The following BAHCC1 variants were observed in gnomAD, a reference collection of about 807,000 sequenced individuals.
The protein encoded by BAHCC1 is BAH domain and coiled-coil containing 1, also known as BAH and coiled-coil domain-containing protein 1.
Under a neutral mutation model 88.2 loss-of-function variants are expected in BAHCC1, and 43 were observed. The observed-to-expected ratio is 0.49, with a 90% CI of 0.38 to 0.63. The LOEUF is 0.63. Among genes scored for constraint, BAHCC1 ranks in the 20% least tolerant of loss-of-function variants. BAHCC1 has a pLI of 0.00. For missense variants in BAHCC1, 3,023 were observed against 1,654.8 expected, an observed-to-expected ratio of 1.83 and a Z score of -14.34; for synonymous variants, 1,510 against 745.5, an observed-to-expected ratio of 2.03 and a Z score of -16.71.
chr17:81,451,964 C>T lies in BAHCC1; in HGVS notation c.4180-7C>T, dbSNP rs1555655927. ...CGGCTCACAGGCCCCTGTGCCCCCCCCACCAGGTGTGCCCCCTGAAGGCCG... is the reference window on the plus strand; with the variant it reads ...CGGCTCACAGGCCCCTGTGCCCCCCTCACCAGGTGTGCCCCCTGAAGGCCG... On this transcript the variant is annotated splice_region_variant and splice_polypyrimidine_tract_variant and intron_variant, in intron 12 of 27. Coordinates refer to ENST00000675386, the MANE Select transcript of BAHCC1 (RefSeq NM_001377448.1). The T allele has an allele frequency of 1.3e-5, 8 of 622,590 alleles. No homozygotes were observed. The highest frequency in any genetic ancestry group is 2.3e-5 in the Non-Finnish European group (8 of 347,132). 38.6% of individuals were successfully genotyped at this position (622,590 alleles called of 1,614,324 possible).
At chr17:81,422,025 T>TG in intron 2 of BAHCC1, 1 of 328,310 alleles carries the variant, frequency 3.0e-6, no homozygotes, top group Non-Finnish European at 6.2e-6. Flanking sequence ...TTTTTTTTTT[T>TG]CTTGGAGGCG....
chr17:81,452,578 G>A (rs986337168), intron 13 of BAHCC1, 145 bp from the exon 14 acceptor site: 24 of 541,820 alleles, frequency 4.4e-5, no homozygotes, highest in Non-Finnish European at 5.5e-5. Flanking sequence ...TGCCCTCTGC[G>A]TGAGGGGTCA....
At position 81,442,783 on chromosome 17, in the gene BAHCC1, C is replaced by G; in HGVS notation, c.1434C>G (p.Ala478=). ...ATCTCAGCAGCGCAGGCCCCGAGGC[C>G]TCCTTCCCCGGACTCCCTAAAAGCG... ...LDYLSSAGPE[A]SFPGLPKSGL... The change falls in exon 5 of 28, where the codon GCC becomes GCG. Residue 478 remains alanine (A), a synonymous_variant. Coordinates refer to ENST00000675386, the MANE Select transcript of BAHCC1 (RefSeq NM_001377448.1). 1.3e-6 allele frequency: 1 copy of G among 779,542 alleles called. No homozygotes were observed. The highest frequency in any genetic ancestry group is 2.3e-4 in the Middle Eastern group (1 of 4,442). The allele number at this position is 779,542 out of a possible 1,614,324, so 48.3% of individuals were successfully genotyped here.
intron 2 of BAHCC1, among the ~76,000 whole-genome samples, chr17:81,417,315 G>A (rs980335984): frequency 1.3e-5 from 2 of 152,142 alleles, no homozygotes; most frequent in Admixed American, 6.5e-5. Flanking sequence ...GCATTCCCAC[G>A]CCCCTGGCCG....
Position 81,461,348 on chromosome 17 carries a change from G to A in BAHCC1, c.6685G>A (p.Gly2229Arg), listed in dbSNP as rs782811291. Residue 2229 changes from glycine to arginine, a missense_variant, in exon 26 of 28, where the codon GGG becomes AGG. Gly to Arg is a moderately radical substitution (Grantham distance 125). Transcript: ENST00000675386. ...KNKTCKALLM[G>R]DKDFSPKLGR... ...CAAGACCTGCAAGGCGTTGCTCATGGGGGACAAGGACTTCAGCCCCAAGCT... is the reference window on the plus strand; with the variant it reads ...CAAGACCTGCAAGGCGTTGCTCATGAGGGACAAGGACTTCAGCCCCAAGCT... 1.4e-5 allele frequency: 10 copies of A among 732,106 alleles called. No individual in the cohort carries two copies. Among genetic ancestry groups the A allele is most frequent in the African/African-American group, 3.4e-5 (2 of 58,338 alleles). The allele number at this position is 732,106 out of a possible 1,614,324, so 45.4% of individuals were successfully genotyped here.
Position 81,399,289 on chromosome 17 carries a change from C to T in BAHCC1, c.-206-245C>T, listed in dbSNP as rs369206598. On this transcript the variant is annotated intron_variant, in intron 1 of 27. Transcript: ENST00000675386. This position sits in a 1 kb window ranked among gnomAD's most constrained non-coding sequence, Gnocchi z 4.5. ...GCGGCGAGCAGTGCGGCTGGGTTCC[C>T]CCGGCTGCCCCGGGCCAAGCGTGGC... The T allele has an allele frequency of 9.0e-4, 292 of 325,596 alleles. 1 individual carries two copies. Among genetic ancestry groups the T allele is most frequent in the African/African-American group, 6.4e-3 (279 of 43,934 alleles). 20.2% of individuals were successfully genotyped at this position (325,596 alleles called of 1,614,324 possible).
intron 2 of BAHCC1, chr17:81,413,102 G>T (rs1555648078): frequency 4.5e-6 from 2 of 445,554 alleles, no homozygotes; most frequent in Admixed American, 4.8e-5. Context: ...CAGGGTCCAG[G>T]GTTATCAGGG....
At chr17:81,431,358 C>T (rs954036502) in intron 3 of BAHCC1, among the ~76,000 whole-genome samples, 11 of 152,104 alleles carry the variant, frequency 7.2e-5, no homozygotes, top group African/African-American at 2.2e-4. Context: ...TGCATAGCCT[C>T]ATGTTCACGG....
chr17:81,459,685 C>T, intron 23 of BAHCC1, 81 bp downstream of exon 23: 3 of 752,342 alleles, frequency 4.0e-6, no homozygotes, highest in Middle Eastern at 4.6e-4. Flanking sequence ...AGCCTGGCTT[C>T]CGAGGCTGGC....
chr17:81,410,619 C>G (rs1482577576), intron 2 of BAHCC1, among the ~76,000 whole-genome samples: 1 of 151,756 alleles, frequency 6.6e-6, no homozygotes, highest in Non-Finnish European at 1.5e-5. Context: ...CACCACGGGT[C>G]CTGGCACCAC....
chr17:81,430,085 G>A (rs1289732806), intron 3 of BAHCC1, among the ~76,000 whole-genome samples: 1 of 152,172 alleles, frequency 6.6e-6, no homozygotes, highest in African/African-American at 2.4e-5. Flanking sequence ...GGTGGGGGCG[G>A]GAGGCGGAAC....
chr17:81,462,396 C>T (rs911613765), intron 26 of BAHCC1, among the ~76,000 whole-genome samples: 2 of 152,246 alleles, frequency 1.3e-5, no homozygotes, highest in Non-Finnish European at 2.9e-5. Flanking sequence ...CGTCTGTCCT[C>T]ACCAGGGCAC....
intron 2 of BAHCC1, among the ~76,000 whole-genome samples, chr17:81,414,554 G>T (rs550647461): frequency 6.6e-6 from 1 of 152,130 alleles, no homozygotes; most frequent in African/African-American, 2.4e-5. Flanking sequence ...CACCCACCTC[G>T]CCCGCTCCCC....
In BAHCC1 at chr17:81,399,536, C is replaced by T. The variant is rs1555645575; in HGVS notation, c.-204C>T. Reference sequence around the variant, plus strand: ...CTCCTCTGCTTTTGCCTCCACAGACCATGGACCCGCACAGCGGCCGCTGGC... The same window carrying T: ...CTCCTCTGCTTTTGCCTCCACAGACTATGGACCCGCACAGCGGCCGCTGGC... On this transcript the variant is annotated splice_region_variant and 5_prime_UTR_variant, in exon 2 of 28. Transcript: ENST00000675386. The surrounding 1 kb of genome is among the most constrained non-coding windows in gnomAD (Gnocchi z 4.5). 2 of 385,824 alleles carry T rather than the reference C, an allele frequency of 5.2e-6. No individual in the cohort carries two copies. The highest frequency in any genetic ancestry group is 1.0e-5 in the Non-Finnish European group (2 of 194,698). The allele number at this position is 385,824 out of a possible 1,614,324, so 23.9% of individuals were successfully genotyped here. A position where few individuals can be genotyped will look rare whatever the true frequency, so the allele number is the denominator to read the frequency against.
intron 2 of BAHCC1, among the ~76,000 whole-genome samples, chr17:81,419,653 C>T (rs902206813): frequency 6.6e-6 from 1 of 151,288 alleles, no homozygotes; most frequent in Non-Finnish European, 1.5e-5. Context: ...ACGCAGGCGG[C>T]GGGTGCAGCC....
At chr17:81,425,045 GGGTGATGTGGTTGGT>G (rs1450369736) in intron 2 of BAHCC1, among the ~76,000 whole-genome samples, 9 of 128,370 alleles carry the variant, frequency 7.0e-5, no homozygotes, top group South Asian at 5.2e-4. Flanking sequence ...TGATAGTGGT[GGGTGATGTGGTTGGT>G]GGTGATGTGG....
chr17:81,458,784 C>G (rs369239779), intron 19 of BAHCC1, 29 bp from the exon 20 acceptor site: 1 of 759,076 alleles, frequency 1.3e-6, no homozygotes, highest in African/African-American at 1.7e-5. Context: ...GCCTGCACCC[C>G]ACCCAAGCCT....
At position 81,399,184 on chromosome 17, in the gene BAHCC1, G is replaced by A. The variant is rs1434006997; in HGVS notation, c.-206-350G>A. 2 of 421,548 alleles carry A rather than the reference G, an allele frequency of 4.7e-6. No individual in the cohort carries two copies. The highest frequency in any genetic ancestry group is 9.5e-6 in the Non-Finnish European group (2 of 209,862). 26.1% of individuals were successfully genotyped at this position (421,548 alleles called of 1,614,324 possible). A position where few individuals can be genotyped will look rare whatever the true frequency, so the allele number is the denominator to read the frequency against. On this transcript the variant is annotated intron_variant, in intron 1 of 27. Coordinates refer to ENST00000675386, the MANE Select transcript of BAHCC1 (RefSeq NM_001377448.1). This position sits in a 1 kb window ranked among gnomAD's most constrained non-coding sequence, Gnocchi z 4.5. Reference sequence around the variant, plus strand: ...GTGCGTGATGGCTTCGCAGATTTGGGTTTTTATCACCCAGCAGAGCCAGCA... The same window carrying A: ...GTGCGTGATGGCTTCGCAGATTTGGATTTTTATCACCCAGCAGAGCCAGCA...
intron 1 of BAHCC1, among the ~76,000 whole-genome samples, chr17:81,398,838 C>CCCA (rs1318973285): frequency 6.6e-6 from 1 of 151,704 alleles, no homozygotes; most frequent in Non-Finnish European, 1.5e-5. Flanking sequence ...GGAGCTGGTC[C>CCCA]CGCTGGGGCT....
Sources: allele counts gnomAD v4.1 joint callset (sites outside exome capture counted in the v4.1 genomes callset), GRCh38; gene constraint gnomAD v4.1.1; non-coding constraint Gnocchi (gnomAD v3.1); transcripts MANE v1.5; gene names NCBI Gene and HGNC (gene_info 2026-07-23, HGNC 2026-07-21).